CDH13: variants seen among roughly 807,000 people sequenced by gnomAD.
CDH13 encodes cadherin 13.
CDH13 carries 24 observed loss-of-function variants against 63.8 expected under a neutral mutation model. The ratio of observed to expected loss-of-function variants is 0.38; its 90% CI spans 0.27 to 0.53. The LOEUF is 0.53. CDH13 is among the 20% of genes least tolerant of loss of function. CDH13 has a pLI of 0.85. For synonymous variants in CDH13, 503 were observed against 355.3 expected (o/e 1.42, Z -4.67); for missense variants, 1,049 against 903.1 (o/e 1.16, Z -2.07).
At chr16:83,012,636 G>A (rs1168446916) in intron 2 of CDH13, among the ~76,000 whole-genome samples, 1 of 152,090 alleles carries the variant, frequency 6.6e-6, no homozygotes, top group Admixed American at 6.5e-5. Context: ...AGACCTTGAA[G>A]ACAAACAGTT....
intron 7 of CDH13, among the ~76,000 whole-genome samples, chr16:83,600,928 A>T (rs745655587): frequency 6.6e-6 from 1 of 152,136 alleles, no homozygotes; most frequent in Non-Finnish European, 1.5e-5. Flanking sequence ...TCTTGGATGC[A>T]GGGTCTTCTT....
chr16:83,629,834 G>A (rs895713595), intron 8 of CDH13, among the ~76,000 whole-genome samples: 1 of 152,216 alleles, frequency 6.6e-6, no homozygotes, highest in African/African-American at 2.4e-5. Context: ...AGATTGACAA[G>A]CTCAGTCACA....
intron 1 of CDH13, among the ~76,000 whole-genome samples, chr16:82,784,880 C>T (rs76270325): frequency 0.044 from 6,683 of 152,276 alleles, 214 homozygotes; most frequent in Non-Finnish European, 0.069. Context: ...TTAGACCCTT[C>T]CTCCAAAGGG....
At chr16:83,366,400 C>T (rs996895995) in intron 6 of CDH13, among the ~76,000 whole-genome samples, 4 of 152,148 alleles carry the variant, frequency 2.6e-5, no homozygotes, top group Admixed American at 6.5e-5. Context: ...GAGGAGGTTG[C>T]GCTGACTGCA....
At chr16:83,326,683 C>T (rs1294679944) in intron 5 of CDH13, among the ~76,000 whole-genome samples, 2 of 152,026 alleles carry the variant, frequency 1.3e-5, no homozygotes, top group African/African-American at 2.4e-5. Context: ...CTGCATGGCC[C>T]GCAAACATGC....
intron 1 of CDH13, among the ~76,000 whole-genome samples, chr16:82,628,126 G>A (rs964773586): frequency 3.3e-5 from 5 of 152,186 alleles, no homozygotes; most frequent in Non-Finnish European, 7.4e-5. Context: ...TGGCCGCTGC[G>A]GGGGGCACGC....
chr16:82,642,001 G>A (rs1000749903), intron 1 of CDH13, among the ~76,000 whole-genome samples: 10 of 149,984 alleles, frequency 6.7e-5, no homozygotes, highest in African/African-American at 2.5e-4. Flanking sequence ...ATTTTCATCT[G>A]CTTCCCAAAC....
chr16:83,387,270 T>A (rs2091693417), intron 6 of CDH13, among the ~76,000 whole-genome samples: 1 of 152,210 alleles, frequency 6.6e-6, no homozygotes, highest in Admixed American at 6.5e-5. Flanking sequence ...TAAGGGCTGT[T>A]CTTTCTTCTG....
intron 10 of CDH13, among the ~76,000 whole-genome samples, chr16:83,741,948 TC>T (rs1912105473): frequency 6.6e-6 from 1 of 152,188 alleles, no homozygotes; most frequent in Admixed American, 6.5e-5. Flanking sequence ...CAGTTTCATC[TC>T]CAAGCCATCC....
intron 1 of CDH13, among the ~76,000 whole-genome samples, chr16:82,708,815 C>G (rs1352171607): frequency 1.3e-5 from 2 of 152,190 alleles, no homozygotes; most frequent in Admixed American, 6.5e-5. Flanking sequence ...ACACAACTTG[C>G]ACAGTGTGAA....
chr16:83,447,427 G>C (rs28522452), intron 6 of CDH13, among the ~76,000 whole-genome samples: 33,075 of 151,566 alleles, frequency 0.22, 3,861 homozygotes, highest in Non-Finnish European at 0.26. Flanking sequence ...AAAAAACAAA[G>C]AAAAAAAAGT....
At chr16:82,848,122 C>A (rs2039340012) in intron 1 of CDH13, among the ~76,000 whole-genome samples, 2 of 152,152 alleles carry the variant, frequency 1.3e-5, no homozygotes, top group African/African-American at 4.8e-5. Flanking sequence ...TTATGTATTG[C>A]TCTTTGAGAA....
At chr16:83,491,817 T>G (rs2151571542) in intron 7 of CDH13, among the ~76,000 whole-genome samples, 1 of 152,288 alleles carries the variant, frequency 6.6e-6, no homozygotes, top group African/African-American at 2.4e-5. Context: ...ATGTAATTTG[T>G]TTTGTATTTT....
At chr16:82,767,146 C>G (rs1297365486) in intron 1 of CDH13, among the ~76,000 whole-genome samples, 1 of 152,180 alleles carries the variant, frequency 6.6e-6, no homozygotes, top group Non-Finnish European at 1.5e-5. Context: ...CATATTGTTT[C>G]TCTTTTGATG....
intron 6 of CDH13, among the ~76,000 whole-genome samples, chr16:83,419,994 G>A (rs2071669352): frequency 6.6e-6 from 1 of 151,542 alleles, no homozygotes; most frequent in African/African-American, 2.4e-5. Flanking sequence ...TGAGAGAACT[G>A]ATTAACTCAC....
At chr16:83,753,646 G>A (rs1395616529) in intron 11 of CDH13, among the ~76,000 whole-genome samples, 1 of 152,124 alleles carries the variant, frequency 6.6e-6, no homozygotes, top group East Asian at 1.9e-4. Context: ...GATGGAAGGA[G>A]AGAATAAGGA....
At chr16:83,274,550 A>AT (rs61649595) in intron 5 of CDH13, among the ~76,000 whole-genome samples, 2,958 of 152,264 alleles carry the variant, frequency 0.019, 50 homozygotes, top group East Asian at 0.11. Flanking sequence ...TCTCTAAGTA[A>AT]TGTATTCCTT....
intron 2 of CDH13, among the ~76,000 whole-genome samples, chr16:82,912,669 C>T (rs372225386): frequency 6.6e-6 from 1 of 152,188 alleles, no homozygotes; most frequent in Non-Finnish European, 1.5e-5. Flanking sequence ...ACTCGCCGGG[C>T]GCGGTGGCTC....
At chr16:83,570,761 TTATA>T (rs970142686) in intron 7 of CDH13, among the ~76,000 whole-genome samples, 4 of 141,950 alleles carry the variant, frequency 2.8e-5, no homozygotes, top group Non-Finnish European at 4.6e-5. Context: ...AATTATATAT[TTATA>T]TATATGAATA....
Sources: allele counts gnomAD v4.1 joint callset (sites outside exome capture counted in the v4.1 genomes callset), GRCh38; gene constraint gnomAD v4.1.1; transcripts MANE v1.5; gene names NCBI Gene and HGNC (gene_info 2026-07-23, HGNC 2026-07-21).